Variants in KDM5A observed in about 807,000 individuals in gnomAD.
KDM5A encodes the protein lysine demethylase 5A, also known as lysine-specific demethylase 5A.
KDM5A carries 42 observed loss-of-function variants against 193.5 expected under a neutral mutation model. The observed-to-expected ratio is 0.22, with a 90% CI of 0.17 to 0.28. The LOEUF (loss-of-function observed/expected upper bound fraction) is 0.28. Ranked by LOEUF, KDM5A falls within the 10% of genes least tolerant of loss-of-function variation. KDM5A has a pLI of 1.00. For missense variants in KDM5A, 1,692 were observed against 2,055.1 expected (o/e 0.82, Z 3.42); for synonymous variants, 796 against 718.1 (o/e 1.11, Z -1.73).
At chr12:325,739 T>C (rs1372068366) in intron 14 of KDM5A, among the ~76,000 whole-genome samples, 1 of 151,778 alleles carries the variant, frequency 6.6e-6, no homozygotes, top group Non-Finnish European at 1.5e-5. Context: ...CGAGGCCAGG[T>C]GTGGTGGCTC....
intron 3 of KDM5A, among the ~76,000 whole-genome samples, chr12:374,313 T>C (rs150886436): frequency 0.011 from 1,744 of 152,346 alleles, 30 homozygotes; most frequent in African/African-American, 0.04. Flanking sequence ...TCTTGTTGCA[T>C]TGATCCCTTT....
chr12:385,966 C>T lies in KDM5A; in HGVS notation c.174G>A (p.Gln58=), dbSNP rs764684030. 2 of 1,612,810 alleles carry T rather than the reference C, an allele frequency of 1.2e-6. No homozygotes were observed. Among genetic ancestry groups the T allele is most frequent in the Non-Finnish European group, 8.5e-7 (1 of 1,178,892 alleles). ...TTTTTACTTCACAGGCAAATGGAGG[C>T]TGCCAGTCCTAAATAGAAAGATTTT... ...ICKIRPPKDW[Q]PPFACEVKSF... is the part of the protein sequence containing the mutation. Residue 58 remains glutamine, a synonymous_variant, in exon 2 of 28, where the codon CAG becomes CAA. Coordinates refer to ENST00000399788, the MANE Select transcript of KDM5A (RefSeq NM_001042603.3).
intron 4 of KDM5A, among the ~76,000 whole-genome samples, chr12:364,643 G>A (rs1944331660): frequency 6.6e-6 from 1 of 151,470 alleles, no homozygotes; most frequent in African/African-American, 2.4e-5. Flanking sequence ...AAATTCTGTG[G>A]GCGTGGTGGT....
intron 1 of KDM5A, chr12:388,347 C>T (rs1391487276): frequency 4.4e-6 from 2 of 454,162 alleles, no homozygotes; most frequent in Non-Finnish European, 8.8e-6. Context: ...ACATTTCCTT[C>T]CACCTCCACT....
At position 285,229 on chromosome 12, in the gene KDM5A, G is replaced by A. The variant is rs1277519993; in HGVS notation, c.*227C>T. ...AGTAAACCACACTCAAAGGAGACATGAAATATTGGCTGTTGTACCAAAGAA... is the reference window on the plus strand; with the variant it reads ...AGTAAACCACACTCAAAGGAGACATAAAATATTGGCTGTTGTACCAAAGAA... On this transcript the variant is annotated 3_prime_UTR_variant, in exon 28 of 28. Transcript: ENST00000399788. 6.8e-6 allele frequency: 4 copies of A among 585,532 alleles called. No homozygotes were observed. In the Admixed American group the frequency reaches 9.0e-5, roughly 13 times the overall value. 36.3% of individuals were successfully genotyped at this position (585,532 alleles called of 1,614,324 possible).
At chr12:386,608 A>G (rs560082974) in intron 1 of KDM5A, among the ~76,000 whole-genome samples, 2 of 152,230 alleles carry the variant, frequency 1.3e-5, no homozygotes, top group Non-Finnish European at 2.9e-5. Context: ...GCACATTGGG[A>G]GACTGAGGCA....
chr12:386,544 A>G (rs1944639617), intron 1 of KDM5A, among the ~76,000 whole-genome samples: 1 of 152,166 alleles, frequency 6.6e-6, no homozygotes, highest in Non-Finnish European at 1.5e-5. Flanking sequence ...CATTAATACA[A>G]TGAAAAAAAT....
At chr12:334,208 G>A (rs762272982) in intron 11 of KDM5A, 33 bp downstream of exon 11, 2 of 1,583,870 alleles carry the variant, frequency 1.3e-6, no homozygotes, top group Non-Finnish European at 1.7e-6. Flanking sequence ...CTTTAGTAGA[G>A]TTCATGCATG....
intron 1 of KDM5A, among the ~76,000 whole-genome samples, 176 bp from the exon 2 acceptor site, chr12:386,150 G>A (rs1015301493): frequency 6.6e-6 from 1 of 152,090 alleles, no homozygotes; most frequent in Non-Finnish European, 1.5e-5. Flanking sequence ...TTTTAATACA[G>A]GTTGAGTATC....
At chr12:333,821 T>C (rs1328907238) in intron 11 of KDM5A, among the ~76,000 whole-genome samples, 172 bp from the exon 12 acceptor site, 1 of 152,046 alleles carries the variant, frequency 6.6e-6, no homozygotes, top group Non-Finnish European at 1.5e-5. Context: ...CAATAGGAGG[T>C]AAGTAAATAG....
rs2137411580 is a variant in KDM5A at position 323,621 on chromosome 12, G to C, written c.2129C>G (p.Pro710Arg). The part of the protein sequence containing the change: ...LYHPTDLCPC[P>R]MQKKCLRYRY... ...ATACCTAAGACATTTCTTCTGCATG[G>C]GGCAGGGGCACAGATCAGTTGGATG... The change falls in exon 15 of 28, where the codon CCC becomes CGC. Residue 710 changes from proline (P) to arginine (R), a missense_variant. Pro to Arg is a moderately radical substitution (Grantham distance 103). This residue lies in a region of KDM5A where 88 missense variants were observed against 124.6 expected (regional missense o/e 0.71). Coordinates refer to ENST00000399788, the MANE Select transcript of KDM5A (RefSeq NM_001042603.3). The C allele has an allele frequency of 6.2e-7, 1 of 1,613,960 alleles. No individual in the cohort carries two copies. Among genetic ancestry groups the C allele is most frequent in the African/African-American group, 1.3e-5 (1 of 75,002 alleles).
chr12:350,521 A>T, intron 10 of KDM5A, 100 bp downstream of exon 10: 1 of 1,131,314 alleles, frequency 8.8e-7, no homozygotes, highest in Non-Finnish European at 1.3e-6. Flanking sequence ...GCCAAATCCT[A>T]CGTATTTAAT....
At chr12:359,904 T>C (rs1944274688) in intron 5 of KDM5A, among the ~76,000 whole-genome samples, 1 of 151,902 alleles carries the variant, frequency 6.6e-6, no homozygotes, top group South Asian at 2.1e-4. Context: ...CTTTCAGATG[T>C]ATTGAATTTG....
chr12:372,478 T>A (rs1301377893), intron 3 of KDM5A, among the ~76,000 whole-genome samples: 16 of 152,312 alleles, frequency 1.1e-4, no homozygotes, highest in Non-Finnish European at 1.8e-4. Flanking sequence ...TTTTCAGCTT[T>A]AGGAGATTTT....
chr12:317,133 C>T (rs570017169), intron 19 of KDM5A, among the ~76,000 whole-genome samples: 76 of 152,312 alleles, frequency 5.0e-4, no homozygotes, highest in Non-Finnish European at 8.7e-4. Flanking sequence ...CAATGGGGTG[C>T]TGATGCTAAT....
At chr12:365,713 T>C (rs1014256843) in intron 4 of KDM5A, among the ~76,000 whole-genome samples, 4 of 152,228 alleles carry the variant, frequency 2.6e-5, no homozygotes, top group Non-Finnish European at 5.9e-5. Flanking sequence ...TCAAAAAGTT[T>C]CAGTCATAAA....
intron 7 of KDM5A, 123 bp downstream of exon 7, chr12:355,035 G>A (rs973604841): frequency 1.4e-6 from 1 of 726,262 alleles, no homozygotes; most frequent in Non-Finnish European, 2.5e-6. Context: ...CTTCACAGAT[G>A]TGCCATCAAG....
chr12:292,169 G>A (rs2137363958), intron 27 of KDM5A, among the ~76,000 whole-genome samples: 1 of 152,310 alleles, frequency 6.6e-6, no homozygotes, highest in South Asian at 2.1e-4. Context: ...CTCCCAAAGT[G>A]CTGGGATTAC....
chr12:350,404 G>C (rs1478209046), intron 10 of KDM5A, among the ~76,000 whole-genome samples: 1 of 146,096 alleles, frequency 6.8e-6, no homozygotes, highest in African/African-American at 2.6e-5. Flanking sequence ...CTCCAGCCTA[G>C]GTGACAGAGT....
Sources: allele counts gnomAD v4.1 joint callset (sites outside exome capture counted in the v4.1 genomes callset), GRCh38; gene constraint gnomAD v4.1.1; regional missense constraint gnomAD v4.1.1; transcripts MANE v1.5; gene names NCBI Gene and HGNC (gene_info 2026-07-23, HGNC 2026-07-21).